PCDH9: variants seen among roughly 807,000 people sequenced by gnomAD.
The protein encoded by PCDH9 is protocadherin 9, also known as protocadherin-9.
PCDH9 carries 24 observed loss-of-function variants against 70.6 expected under a neutral mutation model. That is an observed-to-expected ratio of 0.34 (90% CI 0.25 to 0.48). The LOEUF (loss-of-function observed/expected upper bound fraction) is 0.48, where lower values mean the gene tolerates loss of function less well. Ranked by LOEUF, PCDH9 falls within the 20% of genes least tolerant of loss-of-function variation. The pLI is 0.99. For synonymous variants in PCDH9, 562 were observed against 558.5 expected, an observed-to-expected ratio of 1.01 and a Z score of -0.09; for missense variants, 1,281 against 1,503.6, an observed-to-expected ratio of 0.85 and a Z score of 2.45.
At chr13:66,868,425 G>A (rs935793947) in intron 3 of PCDH9, among the ~76,000 whole-genome samples, 1 of 151,704 alleles carries the variant, frequency 6.6e-6, no homozygotes, top group African/African-American at 2.4e-5. Context: ...CATTGGCTGT[G>A]GTTTTCATAT....
intron 4 of PCDH9, among the ~76,000 whole-genome samples, chr13:66,564,833 C>T (rs1225172957): frequency 6.6e-6 from 1 of 151,526 alleles, no homozygotes; most frequent in Admixed American, 6.6e-5. Flanking sequence ...CAAAATTAAA[C>T]TCACTCAGAA....
intron 4 of PCDH9, among the ~76,000 whole-genome samples, chr13:66,474,437 C>G (rs1268124736): frequency 6.6e-6 from 1 of 152,028 alleles, no homozygotes; most frequent in East Asian, 1.9e-4. Context: ...ATGACTAACA[C>G]AAGGTATAGT....
intron 2 of PCDH9, among the ~76,000 whole-genome samples, chr13:67,064,483 ACAAT>A (rs543630693): frequency 3.9e-5 from 6 of 152,290 alleles, no homozygotes; most frequent in Admixed American, 6.5e-5. Context: ...TAAAAACCTA[ACAAT>A]CAGTTAGTGC....
intron 2 of PCDH9, among the ~76,000 whole-genome samples, chr13:66,904,479 G>T (rs2082327684): frequency 6.6e-6 from 1 of 151,994 alleles, no homozygotes; most frequent in Middle Eastern, 3.4e-3. Context: ...AGGTTTTAAG[G>T]TTTCTACTTT....
chr13:67,064,891 A>AATAGATAG (rs71110626), intron 2 of PCDH9, among the ~76,000 whole-genome samples: 2,299 of 148,944 alleles, frequency 0.015, 26 homozygotes, highest in Middle Eastern at 0.028. Context: ...CCTGTGTGGA[A>AATAGATAG]ATAGATAGAT....
chr13:66,995,291 T>G (rs1594365460), intron 2 of PCDH9, among the ~76,000 whole-genome samples: 1 of 152,068 alleles, frequency 6.6e-6, no homozygotes, highest in Non-Finnish European at 1.5e-5. Context: ...TAAGACACGG[T>G]AAATACAAAA....
intron 2 of PCDH9, among the ~76,000 whole-genome samples, chr13:67,099,849 G>T (rs185053021): frequency 4.4e-4 from 67 of 152,240 alleles, no homozygotes; most frequent in African/African-American, 1.6e-3. Context: ...AAGGTTAAAT[G>T]TAAGTTTGAC....
chr13:66,397,852 A>G (rs77479267), intron 4 of PCDH9, among the ~76,000 whole-genome samples: 406 of 152,052 alleles, frequency 2.7e-3, no homozygotes, highest in African/African-American at 9.1e-3. Context: ...ACAAAAAATT[A>G]TTGGTGTGAA....
At position 66,335,051 on chromosome 13, in the gene PCDH9, G is replaced by A. The variant is rs367929543; in HGVS notation, c.3341-30023C>T. On this transcript the variant is annotated intron_variant, in intron 4 of 4. Transcript: ENST00000377865. Reference sequence around the variant, plus strand: ...AACAATGTGTGGCATAGTTAGGACTGCAATTCATCTAAATAGCCTTCAAAC... The same window carrying A: ...AACAATGTGTGGCATAGTTAGGACTACAATTCATCTAAATAGCCTTCAAAC... 3.3e-5 allele frequency among the ~76,000 whole-genome samples: 5 copies of A among 152,186 alleles called. No individual in the cohort carries two copies. In the East Asian group the frequency reaches 9.7e-4, roughly 29 times the overall value.
At chr13:66,843,533 G>T (rs796377242) in intron 3 of PCDH9, among the ~76,000 whole-genome samples, 1 of 152,138 alleles carries the variant, frequency 6.6e-6, no homozygotes, top group Non-Finnish European at 1.5e-5. Flanking sequence ...AATTTGCTCC[G>T]GACAAACGTC....
chr13:66,543,583 A>T (rs1566404904), intron 4 of PCDH9, among the ~76,000 whole-genome samples: 1 of 151,844 alleles, frequency 6.6e-6, no homozygotes, highest in Non-Finnish European at 1.5e-5. Flanking sequence ...AAAAAAGATT[A>T]AGTAAAACAA....
intron 4 of PCDH9, among the ~76,000 whole-genome samples, chr13:66,485,851 C>G (rs1958930160): frequency 6.6e-6 from 1 of 151,824 alleles, no homozygotes; most frequent in South Asian, 2.1e-4. Flanking sequence ...AAGTGATTCT[C>G]ATGTAGCTGG....
At chr13:67,151,367 G>C (rs1224405460) in intron 2 of PCDH9, among the ~76,000 whole-genome samples, 1 of 152,110 alleles carries the variant, frequency 6.6e-6, no homozygotes, top group Non-Finnish European at 1.5e-5. Flanking sequence ...TGCAATGAAA[G>C]AACATGACCT....
At chr13:66,768,125 G>A (rs1261359925) in intron 3 of PCDH9, among the ~76,000 whole-genome samples, 9 of 151,946 alleles carry the variant, frequency 5.9e-5, no homozygotes, top group African/African-American at 1.9e-4. Flanking sequence ...TTGATTTATT[G>A]GTATCTGTAT....
chr13:67,013,928 T>C (rs1374258110), intron 2 of PCDH9, among the ~76,000 whole-genome samples: 3 of 151,964 alleles, frequency 2.0e-5, no homozygotes, highest in African/African-American at 7.2e-5. Context: ...TGTCCCATGC[T>C]CTTGTTCTAA....
At chr13:66,572,189 C>T (rs1296384126) in intron 4 of PCDH9, among the ~76,000 whole-genome samples, 1 of 152,078 alleles carries the variant, frequency 6.6e-6, no homozygotes, top group African/African-American at 2.4e-5. Context: ...AGGACACCCA[C>T]CACTATCAAA....
At chr13:66,493,723 G>A (rs1959070542) in intron 4 of PCDH9, among the ~76,000 whole-genome samples, 1 of 152,042 alleles carries the variant, frequency 6.6e-6, no homozygotes, top group Non-Finnish European at 1.5e-5. Context: ...TTCTTACACT[G>A]TGTTAGGCAC....
chr13:66,700,234 T>C (rs1468785265), intron 3 of PCDH9, among the ~76,000 whole-genome samples: 1 of 152,142 alleles, frequency 6.6e-6, no homozygotes, highest in Non-Finnish European at 1.5e-5. Flanking sequence ...GTAGAAAGGC[T>C]TGTAAAGTAA....
chr13:66,921,081 A>G (rs1434997987), intron 2 of PCDH9, among the ~76,000 whole-genome samples: 1 of 151,168 alleles, frequency 6.6e-6, no homozygotes, highest in Non-Finnish European at 1.5e-5. Flanking sequence ...ATCCTAAAAT[A>G]TATACTTAAC....
Sources: allele counts gnomAD v4.1 joint callset (sites outside exome capture counted in the v4.1 genomes callset), GRCh38; gene constraint gnomAD v4.1.1; transcripts MANE v1.5; gene names NCBI Gene and HGNC (gene_info 2026-07-23, HGNC 2026-07-21).